RPAP2: variants seen among roughly 807,000 people sequenced by gnomAD.
RPAP2 encodes putative RNA polymerase II subunit B1 CTD phosphatase RPAP2.
A neutral mutation model predicts 73.1 loss-of-function variants in RPAP2; 52 were observed. The ratio of observed to expected loss-of-function variants is 0.71; its 90% CI spans 0.57 to 0.90. The LOEUF (loss-of-function observed/expected upper bound fraction) is 0.90, where lower values mean the gene tolerates loss of function less well. Among genes scored for constraint, RPAP2 ranks in the 40% least tolerant of loss-of-function variants. RPAP2 has a pLI of 0.00. For synonymous variants in RPAP2, 225 were observed against 242.1 expected (o/e 0.93, Z 0.65); for missense variants, 598 against 701.8 (o/e 0.85, Z 1.67).
chr1:92,347,118 C>G (rs1653943836), intron 11 of RPAP2, among the ~76,000 whole-genome samples: 1 of 152,174 alleles, frequency 6.6e-6, no homozygotes, highest in East Asian at 1.9e-4. Context: ...AGATGCAACT[C>G]ACATGATTCA....
rs149362998 is a variant in RPAP2, at chr1:92,333,798, C to T, written c.1538+325C>T. 1.7e-3 allele frequency among the ~76,000 whole-genome samples: 253 copies of T among 152,206 alleles called. 1 individual carries two copies. Among genetic ancestry groups the T allele is most frequent in the African/African-American group, 5.5e-3 (230 of 41,534 alleles). ...CTAGACCCATTTAAATACTGATTTG[C>T]GGTAAATGTGTCACAGCAGTTTCAG... On this transcript the variant is annotated intron_variant, in intron 9 of 12. Transcript: ENST00000610020.
chr1:92,338,754 G>T (rs1174030708), intron 10 of RPAP2, among the ~76,000 whole-genome samples: 1 of 150,558 alleles, frequency 6.6e-6, no homozygotes, highest in Non-Finnish European at 1.5e-5. Flanking sequence ...GGCTCAAGCC[G>T]CAGCCTGGCT....
At chr1:92,299,312 A>G (rs899994422) in intron 1 of RPAP2, among the ~76,000 whole-genome samples, 166 bp downstream of exon 1, 1 of 152,168 alleles carries the variant, frequency 6.6e-6, no homozygotes, top group African/African-American at 2.4e-5. Flanking sequence ...CTCCTGGGAA[A>G]GATTTCCTGG....
intron 10 of RPAP2, among the ~76,000 whole-genome samples, chr1:92,344,721 C>A (rs1006144233): frequency 3.3e-5 from 5 of 152,168 alleles, no homozygotes; most frequent in African/African-American, 1.2e-4. Flanking sequence ...GTTAAAGGCA[C>A]TATTTCTTCC....
intron 7 of RPAP2, among the ~76,000 whole-genome samples, chr1:92,322,655 A>G (rs1652350821): frequency 6.6e-6 from 1 of 152,000 alleles, no homozygotes. Context: ...TGGGCAAATC[A>G]CTTGAGGCCA....
At chr1:92,319,852 G>T (rs569993396) in intron 6 of RPAP2, among the ~76,000 whole-genome samples, 1 of 152,184 alleles carries the variant, frequency 6.6e-6, no homozygotes, top group South Asian at 2.1e-4. Context: ...TACAAAACTA[G>T]TTGGGCATGG....
rs770622671 is a variant in RPAP2 at position 92,323,698 on chromosome 1, C to CACAAAG, written c.786_791dup (p.Asp262_Lys263dup). The CACAAAG allele has an allele frequency of 1.9e-6, 3 of 1,613,992 alleles. No homozygotes were observed. In the South Asian group the frequency reaches 3.3e-5, roughly 18 times the overall value. On this transcript the variant is annotated inframe_insertion, in exon 8 of 13. Transcript: ENST00000610020. ...AGCTGGTCACAAAGCTAACTCCAAA[C>CACAAAG]ACAAAGACAAAGAACAGACAGTAGT...
At position 92,393,369 on chromosome 1, in the gene RPAP2, A is replaced by G. The variant is rs945638014; in HGVS notation, c.*6358A>G. 2 of 152,246 alleles carry G rather than the reference A, an allele frequency of 1.3e-5. No homozygotes were observed. The highest frequency in any genetic ancestry group is 2.9e-5 in the Non-Finnish European group (2 of 68,050). The allele number at this position is 152,246 out of a possible 1,614,324, so 9.4% of individuals were successfully genotyped here. A position where few individuals can be genotyped will look rare whatever the true frequency, so the allele number is the denominator to read the frequency against. On this transcript the variant is annotated 3_prime_UTR_variant, in exon 13 of 13. Transcript: ENST00000610020. ...AGACTTAAACGTAAGACCTAGGACC[A>G]TAAAAATCCTAGAAGAAAACCTGGG... is the stretch of plus-strand genomic sequence containing the variant.
At chr1:92,310,085 C>T (rs1006801596) in intron 6 of RPAP2, among the ~76,000 whole-genome samples, 2 of 152,158 alleles carry the variant, frequency 1.3e-5, no homozygotes, top group African/African-American at 4.8e-5. Flanking sequence ...TTATATTCCA[C>T]TTGATTAGAA....
intron 11 of RPAP2, among the ~76,000 whole-genome samples, chr1:92,373,306 T>C (rs1347662768): frequency 6.6e-6 from 1 of 152,114 alleles, no homozygotes; most frequent in African/African-American, 2.4e-5. Context: ...GCCTCTAAAG[T>C]GAGGACAAAT....
At chr1:92,329,086 TA>T (rs952922768) in intron 8 of RPAP2, among the ~76,000 whole-genome samples, 1 of 152,192 alleles carries the variant, frequency 6.6e-6, no homozygotes, top group African/African-American at 2.4e-5. Context: ...GTATTTTTTT[TA>T]AGTGCGCTGG....
intron 11 of RPAP2, among the ~76,000 whole-genome samples, chr1:92,372,934 G>C (rs565822752): frequency 2.0e-5 from 3 of 152,238 alleles, no homozygotes; most frequent in African/African-American, 7.2e-5. Context: ...AATGAGAGGA[G>C]GAAAATTTTG....
Position 92,401,253 on chromosome 1 carries a change from C to G in RPAP2, c.*14242C>G, listed in dbSNP as rs1334571596. The G allele has an allele frequency of 6.6e-6, 1 of 152,194 alleles. No homozygotes were observed. Among genetic ancestry groups the G allele is most frequent in the African/African-American group, 2.4e-5 (1 of 41,444 alleles). The allele number at this position is 152,194 out of a possible 1,614,324, so 9.4% of individuals were successfully genotyped here. A position where few individuals can be genotyped will look rare whatever the true frequency, so the allele number is the denominator to read the frequency against. On this transcript the variant is annotated 3_prime_UTR_variant, in exon 13 of 13. Coordinates refer to ENST00000610020, the MANE Select transcript of RPAP2 (RefSeq NM_024813.3). ...CTTTCTAACTCACTTCTGTAAAGAT[C>G]AATTCAATAAAAGCAGCAAACACAC...
At chr1:92,348,686 A>G (rs1322198745) in intron 11 of RPAP2, among the ~76,000 whole-genome samples, 1 of 152,124 alleles carries the variant, frequency 6.6e-6, no homozygotes, top group Non-Finnish European at 1.5e-5. Context: ...TTTTATCTCC[A>G]ACTTTGTCCA....
At chr1:92,380,932 CTT>C (rs879148251) in intron 12 of RPAP2, 59 bp downstream of exon 12, 116 of 1,094,766 alleles carry the variant, frequency 1.1e-4, no homozygotes, top group South Asian at 1.4e-4. Flanking sequence ...TATGTGGATT[CTT>C]TTTTTTTTTA....
At position 92,299,082 on chromosome 1, in the gene RPAP2, C is replaced by T. The variant is rs1283299138; in HGVS notation, c.9C>T (p.Asp3=). ...GCAGACTACTCTCCCCCATGGCGGA[C>T]TTCGCTGGGCCGTCTTCTGCCGGCC... is the stretch of plus-strand genomic sequence containing the variant. MA[D]FAGPSSAGRK... is the part of the protein sequence containing the mutation. The change falls in exon 1 of 13, where the codon GAC becomes GAT. Residue 3 remains aspartate (D), a synonymous_variant. Transcript: ENST00000610020. 2.6e-5 allele frequency: 39 copies of T among 1,509,090 alleles called. No individual in the cohort carries two copies. In the Admixed American group the frequency reaches 8.3e-4, roughly 32 times the overall value. The allele number at this position is 1,509,090 out of a possible 1,614,324, so 93.5% of individuals were successfully genotyped here.
chr1:92,394,710 C>A lies in RPAP2; in HGVS notation c.*7699C>A, dbSNP rs1408466603. On this transcript the variant is annotated 3_prime_UTR_variant, in exon 13 of 13. Transcript: ENST00000610020. ...AAGAAGGTATCAAGAAATGTAGACA[C>A]AATCCATGTTCATGAATTGGAAGAT... 6.6e-6 allele frequency: 1 copy of A among 152,134 alleles called. No homozygotes were observed. The highest frequency in any genetic ancestry group is 1.5e-5 in the Non-Finnish European group (1 of 68,028). The allele number at this position is 152,134 out of a possible 1,614,324, so 9.4% of individuals were successfully genotyped here.
intron 11 of RPAP2, among the ~76,000 whole-genome samples, chr1:92,373,733 TAAAAATAAAAAAAAAAA>T (rs1236416187): frequency 0.015 from 603 of 40,898 alleles, 16 homozygotes; most frequent in Middle Eastern, 0.085. Context: ...CCGTCTCTAC[TAAAAATAAAAAAAAAAA>T]AAAAAAAAAA....
At chr1:92,327,693 G>A (rs531894049) in intron 8 of RPAP2, among the ~76,000 whole-genome samples, 10 of 150,748 alleles carry the variant, frequency 6.6e-5, no homozygotes, top group Middle Eastern at 3.4e-3. Context: ...TCTATTCATC[G>A]TGCTATTTGT....
Sources: allele counts gnomAD v4.1 joint callset (sites outside exome capture counted in the v4.1 genomes callset), GRCh38; gene constraint gnomAD v4.1.1; transcripts MANE v1.5; gene names NCBI Gene and HGNC (gene_info 2026-07-23, HGNC 2026-07-21).